Variants in CSMD1 observed in about 807,000 individuals in gnomAD.
CSMD1 encodes CUB and Sushi multiple domains 1, also known as CUB and sushi domain-containing protein 1.
A neutral mutation model predicts 417.5 loss-of-function variants in CSMD1; 213 were observed. That is an observed-to-expected ratio of 0.51 (90% CI 0.46 to 0.57). The LOEUF (loss-of-function observed/expected upper bound fraction) is 0.57. Among genes scored for constraint, CSMD1 ranks in the 20% least tolerant of loss-of-function variants. CSMD1 has a pLI of 0.00. For synonymous variants in CSMD1, 2,862 were observed against 1,736.8 expected, an observed-to-expected ratio of 1.65 and a Z score of -16.11; for missense variants, 6,923 against 4,529.7, an observed-to-expected ratio of 1.53 and a Z score of -15.17.
At chr8:4,180,713 A>G (rs574688032) in intron 3 of CSMD1, among the ~76,000 whole-genome samples, 1 of 152,294 alleles carries the variant, frequency 6.6e-6, no homozygotes, top group African/African-American at 2.4e-5. Flanking sequence ...CATGGAACTC[A>G]CCTTAGAAAA....
rs1029303418 is a variant in CSMD1, at chr8:3,630,175, C to T, written c.1010-13378G>A. Among the ~76,000 whole-genome samples, 4 of 152,364 alleles carry T rather than the reference C, an allele frequency of 2.6e-5. No homozygotes were observed. In the South Asian group the frequency reaches 6.2e-4, roughly 24 times the overall value. On this transcript the variant is annotated intron_variant, in intron 7 of 69. Transcript: ENST00000635120. The stretch of plus-strand genomic sequence containing the variant: ...TGAAATATTGACTGAATGCCTGGTA[C>T]AGGCAGGCTCTCCGTCAGCTCCTGG...
At chr8:4,213,759 G>A (rs931770502) in intron 3 of CSMD1, among the ~76,000 whole-genome samples, 1 of 152,152 alleles carries the variant, frequency 6.6e-6, no homozygotes, top group Admixed American at 6.5e-5. Flanking sequence ...TGGCTGAGAT[G>A]GGGTTCCCTG....
chr8:4,023,847 G>A (rs957266118), intron 4 of CSMD1, among the ~76,000 whole-genome samples: 3 of 134,428 alleles, frequency 2.2e-5, no homozygotes, highest in Admixed American at 1.8e-4. Flanking sequence ...TCGATCTCCT[G>A]ACCTCGGGAT....
At chr8:3,157,516 G>C (rs1285996464) in intron 39 of CSMD1, among the ~76,000 whole-genome samples, 1 of 152,082 alleles carries the variant, frequency 6.6e-6, no homozygotes, top group Admixed American at 6.6e-5. Flanking sequence ...TTCTTCCTGG[G>C]AACTTGTTTT....
In CSMD1 at chr8:3,898,965, A is replaced by C. The variant is rs374553437; in HGVS notation, c.818+98938T>G. Among the ~76,000 whole-genome samples the C allele has an allele frequency of 6.8e-4, 103 of 152,318 alleles. 2 individuals carry two copies. The South Asian group carries it at 0.021, about 31-fold the overall frequency. On this transcript the variant is annotated intron_variant, in intron 5 of 69. Transcript: ENST00000635120. ...AAATTTTATGGGAAAAATAAAAAAC[A>C]AATGGGACCATACAGTACATATTTC...
intron 18 of CSMD1, among the ~76,000 whole-genome samples, chr8:3,382,207 C>T (rs1160372733): frequency 2.0e-5 from 3 of 151,632 alleles, no homozygotes; most frequent in South Asian, 2.1e-4. Flanking sequence ...TTTAGTGAGC[C>T]GAGATCCTGT....
At chr8:3,492,662 G>C (rs975143199) in intron 11 of CSMD1, among the ~76,000 whole-genome samples, 2 of 152,174 alleles carry the variant, frequency 1.3e-5, no homozygotes, top group African/African-American at 2.4e-5. Context: ...CCTCTCTCTG[G>C]AAGTAGCTGA....
At chr8:4,115,054 G>C (rs562368431) in intron 3 of CSMD1, among the ~76,000 whole-genome samples, 1 of 152,284 alleles carries the variant, frequency 6.6e-6, no homozygotes. Context: ...AATTTTGAAA[G>C]AATTGCTACT....
rs778135976 is a variant in CSMD1 at position 4,035,796 on chromosome 8, A to C, written c.416-3697T>G. ...ACTAAGCTTAATTTATGATTAAAAA[A>C]GAAAAATGTGTTTTTATACATTTAG... On this transcript the variant is annotated intron_variant, in intron 3 of 69. Coordinates refer to ENST00000635120, the MANE Select transcript of CSMD1 (RefSeq NM_033225.6). Among the ~76,000 whole-genome samples, 6 of 152,198 alleles carry C rather than the reference A, an allele frequency of 3.9e-5. No individual in the cohort carries two copies. In the South Asian group the frequency reaches 1.2e-3, roughly 32 times the overall value.
Position 3,929,289 on chromosome 8 carries a change from A to C in CSMD1, c.818+68614T>G, listed in dbSNP as rs577972786. The stretch of plus-strand genomic sequence containing the variant: ...TTTCCCCCTACATTCCCTCAATGAG[A>C]AACTCAATGCTGAAATTAAAAACTC... On this transcript the variant is annotated intron_variant, in intron 5 of 69. Transcript: ENST00000635120. Among the ~76,000 whole-genome samples the C allele has an allele frequency of 3.8e-4, 57 of 150,590 alleles. 5 individuals carry two copies. The highest frequency in any genetic ancestry group is 8.6e-4 in the South Asian group (4 of 4,666).
intron 1 of CSMD1, among the ~76,000 whole-genome samples, chr8:4,789,381 G>A (rs1298414753): frequency 6.6e-6 from 1 of 152,102 alleles, no homozygotes; most frequent in Admixed American, 6.6e-5. Flanking sequence ...TAGCTCTCTG[G>A]CTCTGGGTGA....
intron 5 of CSMD1, among the ~76,000 whole-genome samples, chr8:3,918,891 G>A (rs943378878): frequency 1.3e-4 from 19 of 151,996 alleles, no homozygotes; most frequent in Admixed American, 1.0e-3. Context: ...AGAATAGGAA[G>A]GGGGTGAAGG....
chr8:3,473,441 T>C (rs73497493), intron 11 of CSMD1, among the ~76,000 whole-genome samples: 3,827 of 152,302 alleles, frequency 0.025, 186 homozygotes, highest in African/African-American at 0.087. Context: ...TATTTTTAAA[T>C]TTTTATGTTA....
intron 1 of CSMD1, among the ~76,000 whole-genome samples, chr8:4,744,944 G>C (rs1382456110): frequency 1.3e-5 from 2 of 152,074 alleles, no homozygotes; most frequent in Non-Finnish European, 2.9e-5. Flanking sequence ...TTAAAAAATA[G>C]TTCTTCAACT....
intron 12 of CSMD1, among the ~76,000 whole-genome samples, chr8:3,436,589 G>C (rs777978359): frequency 1.3e-5 from 2 of 151,684 alleles, no homozygotes; most frequent in Non-Finnish European, 2.9e-5. Context: ...TAAATCTTAC[G>C]TATGTTTTAT....
chr8:4,621,040 T>C (rs1013088184), intron 2 of CSMD1, among the ~76,000 whole-genome samples: 2 of 152,070 alleles, frequency 1.3e-5, no homozygotes, highest in African/African-American at 4.8e-5. Flanking sequence ...AAAATCCATT[T>C]TTATCATATA....
At chr8:3,462,209 G>C (rs954544063) in intron 12 of CSMD1, among the ~76,000 whole-genome samples, 5 of 152,088 alleles carry the variant, frequency 3.3e-5, no homozygotes, top group African/African-American at 1.2e-4. Context: ...TCCCTCCCTG[G>C]GGGCCACCCA....
At chr8:4,896,433 T>C (rs925931023) in intron 1 of CSMD1, among the ~76,000 whole-genome samples, 1 of 152,154 alleles carries the variant, frequency 6.6e-6, no homozygotes, top group East Asian at 1.9e-4. Context: ...TCAATTCTTT[T>C]GTTATGGAGC....
intron 1 of CSMD1, among the ~76,000 whole-genome samples, chr8:4,708,185 A>G (rs1808071873): frequency 6.6e-6 from 1 of 152,040 alleles, no homozygotes; most frequent in African/African-American, 2.4e-5. Context: ...AATCTCCACA[A>G]ACAATCCACC....
Sources: gnomAD v4.1 joint callset for allele counts (sites outside exome capture counted in the v4.1 genomes callset) on GRCh38, gnomAD v4.1.1 for gene constraint, MANE v1.5 for transcripts, NCBI Gene and HGNC (gene_info 2026-07-23, HGNC 2026-07-21) for gene names.